NEDD9: variants seen among roughly 807,000 people sequenced by gnomAD.
NEDD9 encodes neural precursor cell expressed, developmentally down-regulated 9, also known as enhancer of filamentation 1.
Under a neutral mutation model 76.6 loss-of-function variants are expected in NEDD9, and 26 were observed. The ratio of observed to expected loss-of-function variants is 0.34; its 90% CI spans 0.25 to 0.47. The LOEUF (loss-of-function observed/expected upper bound fraction) is 0.47. Ranked by LOEUF, NEDD9 falls within the 20% of genes least tolerant of loss-of-function variation. NEDD9 has a pLI of 1.00. For missense variants in NEDD9, 937 were observed against 1,058.5 expected (o/e 0.89, Z 1.59); for synonymous variants, 392 against 414.2 (o/e 0.95, Z 0.65).
In NEDD9 at chr6:11,370,365, A is replaced by T. The variant is rs1489067857; in HGVS notation, c.-214+11774T>A. ...TTGTTTTTCAATCAGGCTGTTATTC[A>T]AATGCTGGAGCGGATCCAAATTTGC... On this transcript the variant is annotated intron_variant, in intron 1 of 3. Coordinates refer to the NEDD9 transcript ENST00000397378. The surrounding 1 kb of genome is among the most constrained non-coding windows in gnomAD (Gnocchi z 4.2). Among the ~76,000 whole-genome samples the T allele has an allele frequency of 1.3e-5, 2 of 152,200 alleles. No homozygotes were observed. The highest frequency in any genetic ancestry group is 2.9e-5 in the Non-Finnish European group (2 of 68,044).
intron 1 of NEDD9, among the ~76,000 whole-genome samples, chr6:11,224,475 G>A (rs1759245234): frequency 6.6e-6 from 1 of 152,174 alleles, no homozygotes; most frequent in Non-Finnish European, 1.5e-5. Context: ...TGCCCCAGGG[G>A]AGCATGCAAG....
chr6:11,308,093 C>T (rs1407719182), intron 2 of NEDD9, among the ~76,000 whole-genome samples: 2 of 152,018 alleles, frequency 1.3e-5, no homozygotes, highest in African/African-American at 2.4e-5. Context: ...TTATTCCTGA[C>T]GGGGGGCCTG....
chr6:11,189,876 C>G, intron 5 of NEDD9, 88 bp downstream of exon 5: 1 of 1,434,522 alleles, frequency 7.0e-7, no homozygotes. Context: ...TCTCCTTTGG[C>G]AGTCCAACCC....
At chr6:11,186,490 T>A (rs1055868556) in intron 6 of NEDD9, among the ~76,000 whole-genome samples, 6 of 152,178 alleles carry the variant, frequency 3.9e-5, no homozygotes, top group African/African-American at 1.4e-4. Context: ...CTTCTGCAGA[T>A]AAGGACTATC....
At chr6:11,346,641 G>A (rs918497681) in intron 1 of NEDD9, among the ~76,000 whole-genome samples, 1 of 152,204 alleles carries the variant, frequency 6.6e-6, no homozygotes. Context: ...CGGGGAAGGA[G>A]GGGGCTGGGG....
At chr6:11,202,142 A>C (rs1758472071) in intron 2 of NEDD9, among the ~76,000 whole-genome samples, 3 of 152,238 alleles carry the variant, frequency 2.0e-5, no homozygotes, top group Admixed American at 2.0e-4. Context: ...TGAATTTAAA[A>C]GTAGGTTTTA....
At chr6:11,233,970 T>C (rs1759549572), upstream of NEDD9, among the ~76,000 whole-genome samples, 1 of 152,148 alleles carries the variant, frequency 6.6e-6, no homozygotes, top group African/African-American at 2.4e-5. Flanking sequence ...AACTCTACTT[T>C]TATGATCTAA....
intron 1 of NEDD9, among the ~76,000 whole-genome samples, chr6:11,345,039 A>G (rs1168337515): frequency 6.6e-6 from 1 of 152,196 alleles, no homozygotes; most frequent in Non-Finnish European, 1.5e-5. Context: ...GATATTATGG[A>G]AGAAAGGTAT....
At chr6:11,247,384 A>T (rs1178275106) in intron 3 of NEDD9, among the ~76,000 whole-genome samples, 1 of 152,132 alleles carries the variant, frequency 6.6e-6, no homozygotes, top group Non-Finnish European at 1.5e-5. Flanking sequence ...ATAACACTTG[A>T]CCTTAGAAGT....
chr6:11,289,546 G>A (rs1001050556), intron 3 of NEDD9, among the ~76,000 whole-genome samples: 4 of 152,054 alleles, frequency 2.6e-5, no homozygotes, highest in Non-Finnish European at 5.9e-5. Context: ...CCCACCTCCC[G>A]GGTTCACGCC....
intron 2 of NEDD9, among the ~76,000 whole-genome samples, chr6:11,197,708 G>A (rs1758325357): frequency 6.6e-6 from 1 of 152,142 alleles, no homozygotes; most frequent in African/African-American, 2.4e-5. Flanking sequence ...ATAAAAACAA[G>A]GAAACAAACT....
intron 1 of NEDD9, chr6:11,352,699 A>G (rs893059980): frequency 6.6e-6 from 1 of 152,222 alleles, no homozygotes; most frequent in African/African-American, 2.4e-5. Flanking sequence ...TAAGGCCATC[A>G]ATATCTAGCT....
intron 2 of NEDD9, among the ~76,000 whole-genome samples, chr6:11,329,967 A>T (rs1762001349): frequency 6.6e-6 from 1 of 152,182 alleles, no homozygotes; most frequent in South Asian, 2.1e-4. Context: ...TGCACCATCC[A>T]ATGGGGAGCT....
chr6:11,355,633 A>G (rs1014821836), intron 1 of NEDD9, among the ~76,000 whole-genome samples: 1 of 152,108 alleles, frequency 6.6e-6, no homozygotes, highest in Non-Finnish European at 1.5e-5. Context: ...TTCTTCATCA[A>G]TGAATGGGGC....
At chr6:11,339,040 A>C (rs1762221984) in intron 1 of NEDD9, among the ~76,000 whole-genome samples, 1 of 152,102 alleles carries the variant, frequency 6.6e-6, no homozygotes, top group East Asian at 1.9e-4. Context: ...ATAAATTCAA[A>C]AGATATAGAC....
rs537602355 is a variant in NEDD9, at chr6:11,222,684, T to G, written c.13-8957A>C. Among the ~76,000 whole-genome samples, 3 of 152,348 alleles carry G rather than the reference T, an allele frequency of 2.0e-5. No individual in the cohort carries two copies. The East Asian group carries it at 5.8e-4, about 29-fold the overall frequency. ...GTAGAGAGAGAAGCCAGAGAAATAC[T>G]TTAAAGTTGCCTTAGAGATGGTTTG... On this transcript the variant is annotated intron_variant, in intron 1 of 6. Transcript: ENST00000379446.
intron 3 of NEDD9, among the ~76,000 whole-genome samples, chr6:11,301,897 C>T (rs902999367): frequency 2.7e-5 from 4 of 150,594 alleles, no homozygotes; most frequent in Non-Finnish European, 5.9e-5. Context: ...GCACTAAATG[C>T]ATACAAGAGA....
In NEDD9 at chr6:11,252,712, C is replaced by A. The variant is rs1759935809; in HGVS notation, c.13-38985G>T. ...ATAGAGGACAGAAATGAATTCCTAG[C>A]CTGCAGTTTCATTTTCCCAGAAAAA... On this transcript the variant is annotated intron_variant, in intron 3 of 3. Transcript: ENST00000397378. The surrounding 1 kb of genome is among the most constrained non-coding windows in gnomAD (Gnocchi z 4.3). Among the ~76,000 whole-genome samples the A allele has an allele frequency of 6.6e-6, 1 of 152,022 alleles. No individual in the cohort carries two copies. Among genetic ancestry groups the A allele is most frequent in the Non-Finnish European group, 1.5e-5 (1 of 68,004 alleles).
chr6:11,247,304 T>C (rs1759830168), intron 3 of NEDD9, among the ~76,000 whole-genome samples: 1 of 152,230 alleles, frequency 6.6e-6, no homozygotes, highest in Non-Finnish European at 1.5e-5. Context: ...AAGTCAGTTC[T>C]GCTAGTTCAA....
Sources: gnomAD v4.1 joint callset for allele counts (sites outside exome capture counted in the v4.1 genomes callset) on GRCh38, gnomAD v4.1.1 for gene constraint, Gnocchi (gnomAD v3.1) non-coding constraint, MANE v1.5 for transcripts, NCBI Gene and HGNC (gene_info 2026-07-23, HGNC 2026-07-21) for gene names.